The following UGT2B15 variants were observed in gnomAD, a reference collection of about 807,000 sequenced individuals.
The protein encoded by UGT2B15 is UDP glucuronosyltransferase family 2 member B15.
A neutral mutation model predicts 45.9 loss-of-function variants in UGT2B15; 36 were observed. The observed-to-expected ratio is 0.78, with a 90% CI of 0.60 to 1.04. The LOEUF (loss-of-function observed/expected upper bound fraction) is 1.04. Ranked by LOEUF, UGT2B15 falls within the 50% of genes least tolerant of loss-of-function variation. The probability of loss-of-function intolerance (pLI) is 0.00; values close to 1 mark genes in which losing one functional copy is unlikely to be tolerated. For synonymous variants in UGT2B15, 219 were observed against 216.4 expected (o/e 1.01, Z -0.11); for missense variants, 617 against 622.4 (o/e 0.99, Z 0.09).
chr4:68,655,637 T>C lies in UGT2B15; in HGVS notation c.1006-455A>G, dbSNP rs936563482. On this transcript the variant is annotated intron_variant, in intron 3 of 5. Coordinates refer to ENST00000338206, the MANE Select transcript of UGT2B15 (RefSeq NM_001076.4). ...CAGCTATTTGTCTCTCATCTACCTA[T>C]GACCTGGAAGCCCCTTCCATGCTTC... Among the ~76,000 whole-genome samples, 15 of 152,220 alleles carry C rather than the reference T, an allele frequency of 9.9e-5. 1 individual carries two copies. The highest frequency in any genetic ancestry group is 3.4e-4 in the African/African-American group (14 of 41,542).
At chr4:68,659,705 A>T (rs142493328) in intron 3 of UGT2B15, among the ~76,000 whole-genome samples, 26,655 of 151,858 alleles carry the variant, frequency 0.18, 2,943 homozygotes, top group Non-Finnish European at 0.23. Context: ...TTAGAAGGCG[A>T]TTTTATACTC....
chr4:68,653,039 T>A (rs1261148844), intron 5 of UGT2B15, among the ~76,000 whole-genome samples: 1 of 151,894 alleles, frequency 6.6e-6, no homozygotes, highest in Non-Finnish European at 1.5e-5. Flanking sequence ...TGTGAAGAAA[T>A]TAGAGCCCTC....
chr4:68,665,962 A>G (rs1303238422), intron 2 of UGT2B15, among the ~76,000 whole-genome samples: 1 of 152,078 alleles, frequency 6.6e-6, no homozygotes, highest in African/African-American at 2.4e-5. Flanking sequence ...CAGGAGAATC[A>G]GATCGCTTGA....
Position 68,647,062 on chromosome 4 carries a change from A to C in UGT2B15, c.*42T>G. ...ACCCTCCATGCTGAAATAAAGGAGG[A>C]GTCCCATCTTTCAGTCATTCCACTT... On this transcript the variant is annotated 3_prime_UTR_variant, in exon 6 of 6. Transcript: ENST00000338206. 1 of 1,575,638 alleles carries C rather than the reference A, an allele frequency of 6.3e-7. No homozygotes were observed. Among genetic ancestry groups the C allele is most frequent in the South Asian group, 1.2e-5 (1 of 84,282 alleles).
chr4:68,664,327 T>A (rs918435143), intron 2 of UGT2B15, among the ~76,000 whole-genome samples: 5 of 151,448 alleles, frequency 3.3e-5, no homozygotes, highest in Non-Finnish European at 7.4e-5. Flanking sequence ...GTTTCCTGGA[T>A]ATCATATCAA....
chr4:68,657,079 A>C (rs1309987409), intron 3 of UGT2B15, among the ~76,000 whole-genome samples: 2 of 152,094 alleles, frequency 1.3e-5, no homozygotes, highest in East Asian at 3.9e-4. Context: ...CCCCAAATTA[A>C]TCTCATTTGG....
Position 68,655,189 on chromosome 4 carries a change from G to A in UGT2B15, c.1006-7C>T, listed in dbSNP as rs1732769515. The A allele has an allele frequency of 5.0e-6, 8 of 1,612,668 alleles. No homozygotes were observed. Among genetic ancestry groups the A allele is most frequent in the Non-Finnish European group, 6.8e-6 (8 of 1,179,316 alleles). ...CATCAAATCTCCATAGAACCTGTTAGGGCAAGGAAAATATCTTGTTCAATG... is the reference window on the plus strand; with the variant it reads ...CATCAAATCTCCATAGAACCTGTTAAGGCAAGGAAAATATCTTGTTCAATG... On this transcript the variant is annotated splice_polypyrimidine_tract_variant and splice_region_variant and intron_variant, in intron 3 of 5. Coordinates refer to ENST00000338206, the MANE Select transcript of UGT2B15 (RefSeq NM_001076.4).
chr4:68,647,483 G>T lies in UGT2B15; in HGVS notation c.1314-100C>A, dbSNP rs550185292. ...TTTGAAAAGTGTCACACAAATGATT[G>T]AAAGTAAGTGTCACTGAATTGGCAT... On this transcript the variant is annotated intron_variant, in intron 5 of 5. Transcript: ENST00000338206. 4.6e-6 allele frequency: 6 copies of T among 1,299,516 alleles called. No individual in the cohort carries two copies. In the South Asian group the frequency reaches 5.5e-5, roughly 12 times the overall value. The allele number at this position is 1,299,516 out of a possible 1,614,324, so 80.5% of individuals were successfully genotyped here. A position where few individuals can be genotyped will look rare whatever the true frequency, so the allele number is the denominator to read the frequency against.
intron 3 of UGT2B15, among the ~76,000 whole-genome samples, chr4:68,659,859 T>C (rs973450571): frequency 2.0e-5 from 3 of 151,784 alleles, no homozygotes; most frequent in Admixed American, 6.6e-5. Flanking sequence ...ATTAACTACA[T>C]GGACTGAAAT....
At chr4:68,649,761 G>T (rs1732596587) in intron 5 of UGT2B15, among the ~76,000 whole-genome samples, 1 of 151,798 alleles carries the variant, frequency 6.6e-6, no homozygotes, top group African/African-American at 2.4e-5. Context: ...ATATTTCAAA[G>T]ATCACTATTT....
At chr4:68,647,977 C>G (rs1177023023) in intron 5 of UGT2B15, among the ~76,000 whole-genome samples, 1 of 152,032 alleles carries the variant, frequency 6.6e-6, no homozygotes, top group African/African-American at 2.4e-5. Context: ...CTGCCTCTGC[C>G]TCCCAAAGTG....
intron 3 of UGT2B15, among the ~76,000 whole-genome samples, chr4:68,662,243 T>C (rs1732988743): frequency 6.6e-6 from 1 of 152,106 alleles, no homozygotes; most frequent in African/African-American, 2.4e-5. Context: ...GAGAAGGCAC[T>C]AATCTGATTC....
intron 5 of UGT2B15, among the ~76,000 whole-genome samples, chr4:68,647,831 C>T (rs1732528297): frequency 2.6e-5 from 4 of 152,042 alleles, no homozygotes; most frequent in Admixed American, 2.6e-4. Flanking sequence ...TCCTACATCT[C>T]AGTCTCATGA....
intron 5 of UGT2B15, among the ~76,000 whole-genome samples, chr4:68,647,585 T>C (rs536908991): frequency 6.6e-6 from 1 of 152,264 alleles, no homozygotes; most frequent in South Asian, 2.1e-4. Context: ...GACAAATACC[T>C]TTAAAAATGA....
At position 68,653,951 on chromosome 4, in the gene UGT2B15, G is replaced by T; in HGVS notation, c.1313+86C>A. The T allele has an allele frequency of 2.0e-6, 3 of 1,521,448 alleles. No homozygotes were observed. In the South Asian group the frequency reaches 3.7e-5, roughly 19 times the overall value. The allele number at this position is 1,521,448 out of a possible 1,614,324, so 94.2% of individuals were successfully genotyped here. ...AATCACTTCAATCCCTTCAAAATTA[G>T]TCTCTTAAAAACGGGTTAAAATTCA... On this transcript the variant is annotated intron_variant, in intron 5 of 5. Coordinates refer to ENST00000338206, the MANE Select transcript of UGT2B15 (RefSeq NM_001076.4).
At chr4:68,669,863 C>T (rs751411220) in intron 1 of UGT2B15, 32 bp downstream of exon 1, 4 of 1,563,908 alleles carry the variant, frequency 2.6e-6, no homozygotes, top group African/African-American at 2.8e-5. Context: ...AAAGTTAGAA[C>T]TTAATAAGCA....
chr4:68,668,327 T>A (rs901231106), intron 1 of UGT2B15, 139 bp from the exon 2 acceptor site: 3 of 1,227,320 alleles, frequency 2.4e-6, no homozygotes, highest in African/African-American at 3.1e-5. Context: ...AAAATATATA[T>A]AAATACATTT....
intron 3 of UGT2B15, among the ~76,000 whole-genome samples, chr4:68,662,752 A>C (rs1733002105): frequency 1.3e-5 from 2 of 148,422 alleles, no homozygotes; most frequent in South Asian, 4.3e-4. Flanking sequence ...TACCATGATA[A>C]TACCAAACTT....
intron 3 of UGT2B15, among the ~76,000 whole-genome samples, chr4:68,657,633 G>T (rs1578196984): frequency 6.6e-6 from 1 of 152,174 alleles, no homozygotes; most frequent in East Asian, 1.9e-4. Context: ...TAAAATGAAG[G>T]TAATACGGTC....
Sources: gnomAD v4.1 joint callset for allele counts (sites outside exome capture counted in the v4.1 genomes callset) on GRCh38, gnomAD v4.1.1 for gene constraint, MANE v1.5 for transcripts, NCBI Gene and HGNC (gene_info 2026-07-23, HGNC 2026-07-21) for gene names.